Variants in FAM184A observed in about 807,000 individuals in gnomAD.
The protein encoded by FAM184A is family with sequence similarity 184 member A.
Under a neutral mutation model 143.8 loss-of-function variants are expected in FAM184A, and 99 were observed. The ratio of observed to expected loss-of-function variants is 0.69; its 90% CI spans 0.58 to 0.81. The LOEUF (loss-of-function observed/expected upper bound fraction) is 0.81. Ranked by LOEUF, FAM184A falls within the 40% of genes least tolerant of loss-of-function variation. The pLI is 0.00. For synonymous variants in FAM184A, 427 were observed against 446.4 expected, an observed-to-expected ratio of 0.96 and a Z score of 0.55; for missense variants, 1,217 against 1,310.5, an observed-to-expected ratio of 0.93 and a Z score of 1.10.
intron 1 of FAM184A, among the ~76,000 whole-genome samples, chr6:119,100,509 C>T (rs1411652079): frequency 6.6e-6 from 1 of 152,148 alleles, no homozygotes; most frequent in Non-Finnish European, 1.5e-5. Flanking sequence ...AAGTCATTGT[C>T]TACCTAAATA....
intron 1 of FAM184A, among the ~76,000 whole-genome samples, chr6:119,033,723 G>T (rs1001664229): frequency 4.7e-5 from 7 of 150,384 alleles, no homozygotes; most frequent in African/African-American, 1.7e-4. Context: ...CCACTGCGGT[G>T]GCTCACACCT....
intron 1 of FAM184A, among the ~76,000 whole-genome samples, chr6:119,032,189 T>C (rs548645676): frequency 6.6e-6 from 1 of 152,042 alleles, no homozygotes; most frequent in South Asian, 2.1e-4. Flanking sequence ...GAAGAATTGC[T>C]TGAACCTGAG....
chr6:118,984,384 C>T (rs1490257457), intron 9 of FAM184A, among the ~76,000 whole-genome samples: 1 of 151,780 alleles, frequency 6.6e-6, no homozygotes, highest in East Asian at 1.9e-4. Context: ...CACTCCACTG[C>T]CCAGGCTGGT....
At chr6:119,144,026 A>C (rs1271593654) in intron 1 of FAM184A, among the ~76,000 whole-genome samples, 1 of 152,114 alleles carries the variant, frequency 6.6e-6, no homozygotes, top group East Asian at 1.9e-4. Context: ...GTCTGATAGA[A>C]CAGGCTGGTT....
At chr6:119,125,001 G>C (rs1347931771) in intron 1 of FAM184A, among the ~76,000 whole-genome samples, 1 of 152,146 alleles carries the variant, frequency 6.6e-6, no homozygotes, top group Admixed American at 6.6e-5. Flanking sequence ...ATTATGTATT[G>C]TAATTAAGCT....
At chr6:119,054,578 G>A (rs1786888697) in intron 1 of FAM184A, among the ~76,000 whole-genome samples, 1 of 152,150 alleles carries the variant, frequency 6.6e-6, no homozygotes, top group African/African-American at 2.4e-5. Flanking sequence ...CTGGGGATTA[G>A]ATTTCAACAT....
intron 9 of FAM184A, among the ~76,000 whole-genome samples, chr6:118,999,000 T>C (rs1784659668): frequency 6.6e-6 from 1 of 152,162 alleles, no homozygotes; most frequent in South Asian, 2.1e-4. Flanking sequence ...ACAGTTGCAG[T>C]ACAGGAAAGA....
intron 1 of FAM184A, among the ~76,000 whole-genome samples, chr6:119,041,958 G>T (rs570296668): frequency 3.9e-5 from 6 of 152,248 alleles, no homozygotes; most frequent in Non-Finnish European, 7.4e-5. Context: ...AGAACCCCAG[G>T]TCAGAGAACA....
intron 9 of FAM184A, among the ~76,000 whole-genome samples, chr6:118,982,542 T>C (rs1784054441): frequency 1.3e-5 from 2 of 152,214 alleles, no homozygotes; most frequent in African/African-American, 4.8e-5. Context: ...CTGGTACAGA[T>C]CTGTGTCCAT....
intron 14 of FAM184A, among the ~76,000 whole-genome samples, chr6:118,968,522 CTT>C (rs1281284982): frequency 6.6e-5 from 10 of 152,116 alleles, no homozygotes; most frequent in Admixed American, 6.5e-4. Context: ...AGAGTTAACT[CTT>C]AAAGTATTTT....
intron 1 of FAM184A, among the ~76,000 whole-genome samples, chr6:119,104,468 T>G (rs1788724842): frequency 6.6e-6 from 1 of 152,198 alleles, no homozygotes; most frequent in Non-Finnish European, 1.5e-5. Context: ...TCCACCATAG[T>G]GCCTGATAAT....
intron 1 of FAM184A, among the ~76,000 whole-genome samples, chr6:119,138,795 T>C (rs950376639): frequency 7.9e-5 from 12 of 152,182 alleles, no homozygotes; most frequent in South Asian, 2.1e-4. Context: ...GCCTGGCTAA[T>C]TTTGTATTTT....
chr6:119,079,477 G>A (rs1787998437), upstream of FAM184A, among the ~76,000 whole-genome samples: 1 of 152,138 alleles, frequency 6.6e-6, no homozygotes, highest in Non-Finnish European at 1.5e-5. Flanking sequence ...GTGCATTTTC[G>A]CCTTCATAAA....
At position 119,000,575 on chromosome 6, in the gene FAM184A, G is replaced by A. The variant is rs148331152; in HGVS notation, c.2088+2324C>T. ...TTTAGATAGGCAGCCCATGATGGCC[G>A]GCTTAAATCTAATTTAACTCTCAAG... On this transcript the variant is annotated intron_variant, in intron 9 of 17. Transcript: ENST00000338891. 1.3e-3 allele frequency among the ~76,000 whole-genome samples: 199 copies of A among 152,160 alleles called. 2 individuals carry two copies. The highest frequency in any genetic ancestry group is 4.3e-3 in the African/African-American group (179 of 41,516).
At position 119,114,137 on chromosome 6, in the gene FAM184A, G is replaced by A. The variant is rs184858893; in HGVS notation, c.-202+34941C>T. ...TCTCAGGCAACCACTGGGGGTTTTG[G>A]AACTTATCTGCCATGAATAAGGGGT... On this transcript the variant is annotated intron_variant, in intron 1 of 16. Coordinates refer to the FAM184A transcript ENST00000352896. Among the ~76,000 whole-genome samples, 12 of 152,190 alleles carry A rather than the reference G, an allele frequency of 7.9e-5. No individual in the cohort carries two copies. The East Asian group carries it at 2.3e-3, about 29-fold the overall frequency.
At position 119,117,973 on chromosome 6, in the gene FAM184A, A is replaced by G. The variant is rs1582631471; in HGVS notation, c.-202+31105T>C. On this transcript the variant is annotated intron_variant, in intron 1 of 16. Transcript: ENST00000352896. ...ACCAGAGAGCTGGAGGCAGGGTCTA[A>G]ATTCTGGATCACCCAGAGGGTCAAG... Among the ~76,000 whole-genome samples, 7 of 152,102 alleles carry G rather than the reference A, an allele frequency of 4.6e-5. No homozygotes were observed. In the South Asian group the frequency reaches 1.4e-3, roughly 32 times the overall value.
At chr6:118,960,818 C>T (rs750341807) in intron 17 of FAM184A, 4 of 1,365,924 alleles carry the variant, frequency 2.9e-6, no homozygotes, top group East Asian at 4.6e-5. Flanking sequence ...ATGGAAACTC[C>T]AGTAGTCATG....
At chr6:119,000,185 C>A (rs1463373057) in intron 9 of FAM184A, among the ~76,000 whole-genome samples, 4 of 151,918 alleles carry the variant, frequency 2.6e-5, no homozygotes, top group Non-Finnish European at 4.4e-5. Context: ...TAAAATCTGC[C>A]TTAAAAAAGA....
chr6:118,975,206 A>G lies in FAM184A; in HGVS notation c.2586T>C (p.Ser862=). 1 of 1,518,780 alleles carries G rather than the reference A, an allele frequency of 6.6e-7. No individual in the cohort carries two copies. Among genetic ancestry groups the G allele is most frequent in the Non-Finnish European group, 8.8e-7 (1 of 1,135,786 alleles). 94.1% of individuals were successfully genotyped at this position (1,518,780 alleles called of 1,614,324 possible). The part of the protein sequence containing the change: ...ERSIDISRRQ[S]KEHICRITDL... Reference sequence around the variant, plus strand: ...CTGTAATTCTACATATGTGCTCCTTACTCTGTTAAAAAAAAAAAGTCATTT... The same window carrying G: ...CTGTAATTCTACATATGTGCTCCTTGCTCTGTTAAAAAAAAAAAGTCATTT... Residue 862 remains serine (S), a splice_region_variant and synonymous_variant, in exon 13 of 18, where the codon AGT becomes AGC. Coordinates refer to ENST00000338891, the MANE Select transcript of FAM184A (RefSeq NM_024581.6).
Sources: gnomAD v4.1 joint callset for allele counts (sites outside exome capture counted in the v4.1 genomes callset) on GRCh38, gnomAD v4.1.1 for gene constraint, MANE v1.5 for transcripts, NCBI Gene and HGNC (gene_info 2026-07-23, HGNC 2026-07-21) for gene names.